The following STAB1 variants were observed in gnomAD, a reference collection of about 807,000 sequenced individuals.
STAB1 encodes stabilin-1.
STAB1 carries 250 observed loss-of-function variants against 332.4 expected under a neutral mutation model. The observed-to-expected ratio is 0.75, with a 90% CI of 0.68 to 0.84. STAB1 has a LOEUF of 0.84. Ranked by LOEUF, STAB1 falls within the 40% of genes least tolerant of loss-of-function variation. The pLI is 0.00. For missense variants in STAB1, 3,249 were observed against 3,489.7 expected (o/e 0.93, Z 1.74); for synonymous variants, 1,475 against 1,390.4 (o/e 1.06, Z -1.35).
At position 52,513,726 on chromosome 3, in the gene STAB1, G is replaced by A; in HGVS notation, c.3280G>A (p.Val1094Met). Residue 1094 changes from valine to methionine, a missense_variant, in exon 31 of 69, where the codon GTG (valine) becomes ATG (methionine). Transcript: ENST00000321725. Reference sequence around the variant, plus strand: ...TGCTGCTGCCTTCCAGAGGGTCTGGGTGCAGAATGCCAGCGTGGATGTGGC... The same window carrying A: ...TGCTGCTGCCTTCCAGAGGGTCTGGATGCAGAATGCCAGCGTGGATGTGGC... ...EIRNISGRVW[V>M]QNASVDVADL... The A allele has an allele frequency of 1.9e-6, 3 of 1,613,198 alleles. No homozygotes were observed. Among genetic ancestry groups the A allele is most frequent in the Middle Eastern group, 1.6e-4 (1 of 6,062 alleles).
At position 52,508,026 on chromosome 3, in the gene STAB1, G is replaced by T. The variant is rs1180869032; in HGVS notation, c.2148G>T (p.Met716Ile). The change falls in exon 20 of 69, where the codon ATG becomes ATT. Residue 716 changes from methionine (M) to isoleucine (I), a missense_variant and splice_region_variant. Transcript: ENST00000321725. The part of the protein sequence containing the change: ...GCASYCNQTI[M>I]EQGCCKGFFG... ...CCAGCTACTGCAACCAAACCATCATGGTAAGCGTGGGCATGGGTGCCCACT... is the reference window on the plus strand; with the variant it reads ...CCAGCTACTGCAACCAAACCATCATTGTAAGCGTGGGCATGGGTGCCCACT... 1 of 1,612,920 alleles carries T rather than the reference G, an allele frequency of 6.2e-7. No homozygotes were observed. Among genetic ancestry groups the T allele is most frequent in the Non-Finnish European group, 8.5e-7 (1 of 1,179,752 alleles).
intron 28 of STAB1, 33 bp downstream of exon 28, chr3:52,512,676 T>C: frequency 6.2e-7 from 1 of 1,613,302 alleles, no homozygotes; most frequent in Non-Finnish European, 8.5e-7. Context: ...GGTTGAGGGC[T>C]CAAATCCAGG....
At chr3:52,499,826 G>A (rs1264338582) in intron 1 of STAB1, among the ~76,000 whole-genome samples, 1 of 148,080 alleles carries the variant, frequency 6.8e-6, no homozygotes, top group Admixed American at 6.7e-5. Context: ...GTGAACCCGG[G>A]AGGCGGAGCT....
intron 16 of STAB1, 73 bp downstream of exon 16, chr3:52,506,009 A>G: frequency 1.9e-6 from 3 of 1,583,098 alleles, no homozygotes; most frequent in South Asian, 2.2e-5. Flanking sequence ...GACTTCCCCA[A>G]GGCCCCATCT....
intron 38 of STAB1, 28 bp downstream of exon 38, chr3:52,516,266 G>GGGGGGGGGGGC: frequency 6.3e-6 from 5 of 794,282 alleles, no homozygotes; most frequent in Non-Finnish European, 1.1e-5. Flanking sequence ...GCGGGGGTGG[G>GGGGGGGGGGGC]CCTCCTGGCA....
intron 22 of STAB1, 29 bp downstream of exon 22, chr3:52,509,350 T>C (rs1301067838): frequency 5.0e-6 from 8 of 1,601,990 alleles, no homozygotes; most frequent in Non-Finnish European, 6.8e-6. Context: ...GGCCACCTCC[T>C]AGGGAGAAAA....
At chr3:52,517,654 T>C (rs2078919929) in intron 44 of STAB1, 30 bp downstream of exon 44, 1 of 1,606,460 alleles carries the variant, frequency 6.2e-7, no homozygotes, top group Non-Finnish European at 8.5e-7. Flanking sequence ...CCTCCTTCAC[T>C]GACGAGAAGG....
rs778938737 is a variant in STAB1, at chr3:52,501,767, G to A, written c.331+14G>A. 3.3e-5 allele frequency: 51 copies of A among 1,552,070 alleles called. No homozygotes were observed. The highest frequency in any genetic ancestry group is 2.7e-5 in the African/African-American group (2 of 73,100). On this transcript the variant is annotated intron_variant, in intron 3 of 68. Transcript: ENST00000321725. ...CCCGGTGCCATGGTATGGGAGAAAG[G>A]GGGACCCCGCCTTGCGCCTCCCACC... is the stretch of plus-strand genomic sequence containing the variant.
intron 5 of STAB1, 91 bp downstream of exon 5, chr3:52,502,319 T>C (rs1708513737): frequency 7.2e-7 from 1 of 1,379,650 alleles, no homozygotes; most frequent in African/African-American, 1.4e-5. Context: ...ACCTGTCCCT[T>C]CAGCCTCTGT....
In STAB1 at chr3:52,517,573, T is replaced by A. The variant is rs746305247; in HGVS notation, c.4587T>A (p.Gly1529=). 6.2e-7 allele frequency: 1 copy of A among 1,612,732 alleles called. No homozygotes were observed. Residue 1529 remains glycine (G), a synonymous_variant, in exon 44 of 69, where the codon GGT becomes GGA. Transcript: ENST00000321725. ...AGGTCTCCTGCAGCTGCCGTGAGGG[T>A]TACAGCGGGGATGGCATCCGGACCT... ...PQQVSCSCRE[G]YSGDGIRTCE... is the part of the protein sequence containing the mutation.
chr3:52,500,477 C>T (rs1056809217), intron 1 of STAB1, among the ~76,000 whole-genome samples: 6 of 152,246 alleles, frequency 3.9e-5, no homozygotes, highest in African/African-American at 1.2e-4. Context: ...GGGCCAGGGC[C>T]CTTAGTCTCT....
In STAB1 at chr3:52,520,047, C is replaced by T; in HGVS notation, c.5339C>T (p.Ala1780Val). Residue 1780 changes from alanine to valine, a missense_variant, in exon 51 of 69, where the codon GCC becomes GTC. By Grantham distance (64) the Ala-to-Val change is moderately conservative (BLOSUM62 0). Coordinates refer to ENST00000321725, the MANE Select transcript of STAB1 (RefSeq NM_015136.3). ...CGAGCTCTGCCTCCGGATCGCCAGG[C>T]CTGGCTGTACCATGAGGACCACCGT... ...AFRALPPDRQAWLYHEDHRDK... is the reference protein window; with the variant it reads ...AFRALPPDRQVWLYHEDHRDK... 2 of 1,612,652 alleles carry T rather than the reference C, an allele frequency of 1.2e-6. No individual in the cohort carries two copies. The highest frequency in any genetic ancestry group is 1.7e-5 in the Admixed American group (1 of 60,000).
intron 25 of STAB1, 50 bp from the exon 26 acceptor site, chr3:52,511,600 G>C (rs1355116507): frequency 6.6e-7 from 1 of 1,524,376 alleles, no homozygotes; most frequent in Non-Finnish European, 9.0e-7. Context: ...GAGGAAGAAA[G>C]GGTTGGATGC....
intron 1 of STAB1, 130 bp downstream of exon 1, chr3:52,495,621 T>A: frequency 2.4e-6 from 2 of 841,270 alleles, no homozygotes; most frequent in South Asian, 5.7e-5. Flanking sequence ...TCTGGCCTCT[T>A]AGCAGGCCTG....
intron 1 of STAB1, among the ~76,000 whole-genome samples, chr3:52,500,002 G>A (rs1648524460): frequency 6.6e-6 from 1 of 151,752 alleles, no homozygotes; most frequent in Non-Finnish European, 1.5e-5. Context: ...GAGCCCAGGA[G>A]TTCAAGATTA....
At chr3:52,523,624 A>G (rs2079157176) in intron 65 of STAB1, 28 bp from the exon 66 acceptor site, 1 of 1,612,798 alleles carries the variant, frequency 6.2e-7, no homozygotes, top group East Asian at 2.2e-5. Context: ...CCTCGCTCAC[A>G]GTGGGCCTGA....
chr3:52,506,856 C>T lies in STAB1; in HGVS notation c.1989+6C>T, dbSNP rs772373102. On this transcript the variant is annotated splice_donor_region_variant and intron_variant, in intron 18 of 68. Coordinates refer to ENST00000321725, the MANE Select transcript of STAB1 (RefSeq NM_015136.3). ...AGCAGCACAAGATTGTGGCGGTGAG[C>T]CTCGCCTGCACGGCCAGGGCCCTAC... 44 of 1,612,260 alleles carry T rather than the reference C, an allele frequency of 2.7e-5. No homozygotes were observed. Among genetic ancestry groups the T allele is most frequent in the South Asian group, 1.1e-4 (10 of 91,020 alleles).
rs1439321334 is a variant in STAB1 at position 52,519,357 on chromosome 3, C to A, written c.5128C>A (p.Pro1710Thr). ...ILHFIDRVLL[P>T]PEALHWEPDD... Reference sequence around the variant, plus strand: ...GCACTTCATTGACCGTGTCCTGCTGCCCCCCGAGGCGCTGCACTGGGAGCC... The same window carrying A: ...GCACTTCATTGACCGTGTCCTGCTGACCCCCGAGGCGCTGCACTGGGAGCC... Residue 1710 changes from proline (P) to threonine (T), a missense_variant, in exon 49 of 69, where the codon CCC becomes ACC. Physicochemically the swap from Pro to Thr is conservative, Grantham distance 38. Coordinates refer to ENST00000321725, the MANE Select transcript of STAB1 (RefSeq NM_015136.3). The A allele has an allele frequency of 3.1e-6, 5 of 1,612,938 alleles. No homozygotes were observed. The African/African-American group carries it at 6.7e-5, about 22-fold the overall frequency.
Position 52,503,854 on chromosome 3 carries a change from C to T in STAB1, c.974C>T (p.Ser325Phe), listed in dbSNP as rs1280687262. 3.1e-6 allele frequency: 5 copies of T among 1,613,138 alleles called. No individual in the cohort carries two copies. The highest frequency in any genetic ancestry group is 4.2e-6 in the Non-Finnish European group (5 of 1,180,030). The change falls in exon 9 of 69, where the codon TCC becomes TTC. Residue 325 changes from serine to phenylalanine, a missense_variant. Ser to Phe is a radical substitution (Grantham distance 155). Transcript: ENST00000321725. The stretch of plus-strand genomic sequence containing the variant: ...TGCTTCGCCTTCTGCTCCCCCTTCT[C>T]CTGCGACCGGTCTGCCACTTGCCAG... ...AGCFAFCSPF[S>F]CDRSATCQVT... is the part of the protein sequence containing the mutation.
Sources: allele counts gnomAD v4.1 joint callset (sites outside exome capture counted in the v4.1 genomes callset), GRCh38; gene constraint gnomAD v4.1.1; transcripts MANE v1.5; gene names NCBI Gene and HGNC (gene_info 2026-07-23, HGNC 2026-07-21).